The following SLX4IP variants were observed in gnomAD, a reference collection of about 807,000 sequenced individuals.
SLX4IP encodes the protein protein SLX4IP.
In SLX4IP, 34 loss-of-function variants were observed where a neutral mutation model predicts 32.9. The ratio of observed to expected loss-of-function variants is 1.03; its 90% confidence interval spans 0.79 to 1.38. The LOEUF is 1.38. Ranked by LOEUF, SLX4IP falls within the 40% of genes most tolerant of loss-of-function variation. The pLI, the probability that SLX4IP is intolerant of heterozygous loss-of-function variation, is 0.00. For missense variants in SLX4IP, 444 were observed against 479.0 expected, an observed-to-expected ratio of 0.93 and a Z score of 0.68; for synonymous variants, 172 against 171.7, an observed-to-expected ratio of 1.00 and a Z score of -0.01.
At chr20:10,603,436 C>T (rs371884147) in intron 6 of SLX4IP, among the ~76,000 whole-genome samples, 6 of 152,166 alleles carry the variant, frequency 3.9e-5, no homozygotes, top group Admixed American at 2.0e-4. Context: ...AAACTCTCAC[C>T]GGTCTAAGCC....
chr20:10,444,520 G>T (rs1355203597), intron 1 of SLX4IP, among the ~76,000 whole-genome samples: 1 of 152,098 alleles, frequency 6.6e-6, no homozygotes, highest in East Asian at 1.9e-4. Context: ...TGGGATTACA[G>T]GTGTGTGCCA....
chr20:10,623,238 G>A lies in SLX4IP; in HGVS notation c.1086G>A (p.Leu362=), dbSNP rs201493111. The A allele has an allele frequency of 7.4e-6, 12 of 1,614,208 alleles. No individual in the cohort carries two copies. Among genetic ancestry groups the A allele is most frequent in the Non-Finnish European group, 1.7e-6 (2 of 1,180,044 alleles). The stretch of plus-strand genomic sequence containing the variant: ...CGTCTAAGGAAGAGTTGCATGTTTT[G>A]GAAAGTCTCTCCTCCAGACATCTTA... ...KTTSKEELHV[L]ESLSSRHLMK... Residue 362 remains leucine, a synonymous_variant, in exon 8 of 8, where the codon TTG becomes TTA. Coordinates refer to ENST00000334534, the MANE Select transcript of SLX4IP (RefSeq NM_001009608.3).
Position 10,508,272 on chromosome 20 carries a change from A to G in SLX4IP, c.28-47959A>G, listed in dbSNP as rs576319821. Among the ~76,000 whole-genome samples the G allele has an allele frequency of 3.3e-5, 5 of 152,330 alleles. No individual in the cohort carries two copies. The East Asian group carries it at 9.6e-4, about 29-fold the overall frequency. On this transcript the variant is annotated intron_variant, in intron 2 of 7. Coordinates refer to ENST00000334534, the MANE Select transcript of SLX4IP (RefSeq NM_001009608.3). ...TGGGCTTAACACAGTGCTAGGCACA[A>G]TGCCAATGCGGGCAGAGCCTAAGAG...
At chr20:10,601,538 G>GCT (rs1386655735) in intron 5 of SLX4IP, among the ~76,000 whole-genome samples, 193 bp from the exon 6 acceptor site, 1 of 152,166 alleles carries the variant, frequency 6.6e-6, no homozygotes, top group Non-Finnish European at 1.5e-5. Flanking sequence ...AGCCTCATCA[G>GCT]CTCTCCCTAG....
chr20:10,565,142 C>A (rs546238850), intron 4 of SLX4IP, among the ~76,000 whole-genome samples: 1 of 152,122 alleles, frequency 6.6e-6, no homozygotes, highest in Admixed American at 6.5e-5. Context: ...TCATCCACAC[C>A]TCTGCTGCCA....
chr20:10,540,100 C>T (rs6040018), intron 2 of SLX4IP, among the ~76,000 whole-genome samples: 1,268 of 17,492 alleles, frequency 0.072, 14 homozygotes, highest in Middle Eastern at 0.12. Context: ...CCTTCCTTTC[C>T]TTCCTTCCTT....
At chr20:10,443,022 A>T (rs780414686) in intron 1 of SLX4IP, among the ~76,000 whole-genome samples, 10 of 152,220 alleles carry the variant, frequency 6.6e-5, no homozygotes, top group Non-Finnish European at 1.0e-4. Context: ...TATTTTCAAT[A>T]TGAAACACTA....
intron 6 of SLX4IP, among the ~76,000 whole-genome samples, chr20:10,608,841 A>G (rs1248175400): frequency 6.6e-6 from 1 of 152,114 alleles, no homozygotes; most frequent in Non-Finnish European, 1.5e-5. Context: ...GAAAGGAGAA[A>G]AATACCTGAC....
intron 4 of SLX4IP, among the ~76,000 whole-genome samples, chr20:10,569,126 T>C (rs2066430206): frequency 6.6e-6 from 1 of 151,694 alleles, no homozygotes; most frequent in Non-Finnish European, 1.5e-5. Context: ...CTGACCCAAA[T>C]CTGGAGACTG....
At position 10,560,431 on chromosome 20, in the gene SLX4IP, T is replaced by C. The variant is rs2122501883; in HGVS notation, c.118-269T>C. ...ATGTTTACACTGAAATATTTTTATC[T>C]TTCTTTTAGAAATATGAAACTGAGG... On this transcript the variant is annotated intron_variant, in intron 3 of 7. Transcript: ENST00000334534. Among the ~76,000 whole-genome samples the C allele has an allele frequency of 2.6e-5, 4 of 152,350 alleles. No homozygotes were observed. In the Middle Eastern group the frequency reaches 0.014, roughly 518 times the overall value.
intron 1 of SLX4IP, among the ~76,000 whole-genome samples, chr20:10,455,672 C>A (rs970581384): frequency 9.9e-5 from 15 of 151,756 alleles, no homozygotes; most frequent in African/African-American, 3.6e-4. Flanking sequence ...TGCAGTGGCG[C>A]AATCTTGCCA....
At chr20:10,456,841 G>A (rs536084239) in intron 1 of SLX4IP, among the ~76,000 whole-genome samples, 4 of 152,106 alleles carry the variant, frequency 2.6e-5, no homozygotes, top group Non-Finnish European at 5.9e-5. Flanking sequence ...TATATTAACC[G>A]CTTTAAGTCT....
At chr20:10,542,511 C>G (rs2066118166) in intron 2 of SLX4IP, among the ~76,000 whole-genome samples, 1 of 152,140 alleles carries the variant, frequency 6.6e-6, no homozygotes, top group African/African-American at 2.4e-5. Context: ...TTGCTGTTAT[C>G]CTGATCACTC....
At position 10,540,745 on chromosome 20, in the gene SLX4IP, C is replaced by T. The variant is rs773216867; in HGVS notation, c.28-15486C>T. On this transcript the variant is annotated intron_variant, in intron 2 of 7. Transcript: ENST00000334534. ...AAGTAGAGGTGGCTCTACACAAGTC[C>T]TGTGACCAATTAACGACCTCCCTTT... is the stretch of plus-strand genomic sequence containing the variant. 5.8e-4 allele frequency among the ~76,000 whole-genome samples: 89 copies of T among 152,212 alleles called. 2 individuals are homozygous for T. The highest frequency in any genetic ancestry group is 3.3e-4 in the Admixed American group (5 of 15,284).
intron 2 of SLX4IP, among the ~76,000 whole-genome samples, chr20:10,533,752 T>A (rs2066012023): frequency 6.6e-6 from 1 of 151,654 alleles, no homozygotes; most frequent in African/African-American, 2.4e-5. Context: ...CCAGAGTAGC[T>A]GGGACTATAG....
chr20:10,500,207 T>C (rs907913251), intron 2 of SLX4IP, among the ~76,000 whole-genome samples: 1 of 137,678 alleles, frequency 7.3e-6, no homozygotes, highest in Non-Finnish European at 1.5e-5. Context: ...CAATCTCAGC[T>C]CACTGCAACC....
intron 2 of SLX4IP, among the ~76,000 whole-genome samples, chr20:10,513,164 G>A (rs2065824945): frequency 6.6e-6 from 1 of 152,096 alleles, no homozygotes; most frequent in African/African-American, 2.4e-5. Context: ...TGGGAGTAGT[G>A]CCTGTGTGCT....
intron 6 of SLX4IP, among the ~76,000 whole-genome samples, chr20:10,603,568 C>T (rs184343333): frequency 6.6e-6 from 1 of 152,330 alleles, no homozygotes; most frequent in East Asian, 1.9e-4. Context: ...AGGCTCGTTC[C>T]TTGTTTTGAG....
chr20:10,575,542 AC>A (rs569871499), intron 4 of SLX4IP, among the ~76,000 whole-genome samples: 17 of 147,172 alleles, frequency 1.2e-4, no homozygotes, highest in Admixed American at 9.6e-4. Flanking sequence ...AGCTCTCCCT[AC>A]CCCCCACCCC....
Sources: allele counts gnomAD v4.1 joint callset (sites outside exome capture counted in the v4.1 genomes callset), GRCh38; gene constraint gnomAD v4.1.1; transcripts MANE v1.5; gene names NCBI Gene and HGNC (gene_info 2026-07-23, HGNC 2026-07-21).